AFF2: variants seen among roughly 807,000 people sequenced by gnomAD.
AFF2 encodes the protein ALF transcription elongation factor 2.
Under a neutral mutation model 76.9 loss-of-function variants are expected in AFF2, and 14 were observed. That is an observed-to-expected ratio of 0.18 (90% CI 0.12 to 0.28). The LOEUF (loss-of-function observed/expected upper bound fraction) is 0.28. Ranked by LOEUF, AFF2 falls within the 10% of genes least tolerant of loss-of-function variation. AFF2 has a pLI of 1.00. For missense variants in AFF2, 868 were observed against 1,001.1 expected, an observed-to-expected ratio of 0.87 and a Z score of 1.79; for synonymous variants, 398 against 366.7, an observed-to-expected ratio of 1.09 and a Z score of -0.98.
intron 7 of AFF2, among the ~76,000 whole-genome samples, chrX:148,852,389 GTTTT>G (rs33916305): frequency 1.6e-4 from 13 of 78,804 alleles, no homozygotes; most frequent in African/African-American, 5.3e-4. Flanking sequence ...CCAGCAGCTG[GTTTT>G]TTTTTTTTTT....
rs377289387 is a variant in AFF2, at chrX:148,595,974, G to A, written c.48-56025G>A. On this transcript the variant is annotated intron_variant, in intron 1 of 20. Coordinates refer to ENST00000370460, the MANE Select transcript of AFF2 (RefSeq NM_002025.4). ...TGTTGAGAAGAAGGAATAATCTAGGGGTGCAGTGGCAGGGCTGGGAACTGC... is the reference window on the plus strand; with the variant it reads ...TGTTGAGAAGAAGGAATAATCTAGGAGTGCAGTGGCAGGGCTGGGAACTGC... Among the ~76,000 whole-genome samples the A allele has an allele frequency of 3.4e-4, 38 of 111,836 alleles. No homozygotes were observed. In the East Asian group the frequency reaches 0.01, roughly 30 times the overall value.
At chrX:148,920,430 A>G (rs2071579997) in intron 9 of AFF2, among the ~76,000 whole-genome samples, 1 of 112,126 alleles carries the variant, frequency 8.9e-6, no homozygotes, top group Admixed American at 9.5e-5. Flanking sequence ...TGAAATTAAA[A>G]TTCTATAAAG....
At chrX:148,899,949 A>T (rs2071336285) in intron 8 of AFF2, among the ~76,000 whole-genome samples, 1 of 108,391 alleles carries the variant, frequency 9.2e-6, no homozygotes, top group Admixed American at 9.9e-5. Flanking sequence ...ATTTTCTATA[A>T]ATATATATAT....
chrX:148,795,832 AATATATATATAT>A (rs1169188980), intron 3 of AFF2, among the ~76,000 whole-genome samples: 306 of 15,516 alleles, frequency 0.02, 8 homozygotes, highest in African/African-American at 0.058. Context: ...AAAAAAAAAA[AATATATATATAT>A]ATATATATAT....
At chrX:148,743,293 G>C (rs1334426005) in intron 3 of AFF2, among the ~76,000 whole-genome samples, 2 of 111,894 alleles carry the variant, frequency 1.8e-5, no homozygotes, top group Admixed American at 1.9e-4. Flanking sequence ...ATTCCATTCT[G>C]ACTAATGGAA....
At chrX:148,608,999 T>C (rs1438912339) in intron 1 of AFF2, among the ~76,000 whole-genome samples, 1 of 111,553 alleles carries the variant, frequency 9.0e-6, no homozygotes, top group African/African-American at 3.3e-5. Context: ...TACTAGGAAC[T>C]AGGATATTGA....
rs1302109212 is a variant in AFF2 at position 148,811,691 on chromosome X, G to A, written c.1086+1771G>A. On this transcript the variant is annotated intron_variant, in intron 4 of 20. Transcript: ENST00000370460. ...AAAATCTCACTAATTTGTCACAATC[G>A]AAATTACATACTTAAAAGCAACCCA... is the stretch of plus-strand genomic sequence containing the variant. Among the ~76,000 whole-genome samples the A allele has an allele frequency of 5.4e-5, 6 of 111,804 alleles. No individual in the cohort carries two copies. In the East Asian group the frequency reaches 8.4e-4, roughly 16 times the overall value.
At chrX:148,620,157 A>AGAG (rs1471792718) in intron 1 of AFF2, among the ~76,000 whole-genome samples, 4 of 110,837 alleles carry the variant, frequency 3.6e-5, no homozygotes, top group Non-Finnish European at 7.6e-5. Flanking sequence ...TTCTTAGGGA[A>AGAG]GAGTGTCTTG....
chrX:148,589,119 G>C (rs2053497176), intron 1 of AFF2, among the ~76,000 whole-genome samples: 1 of 110,853 alleles, frequency 9.0e-6, no homozygotes, highest in Non-Finnish European at 1.9e-5. Flanking sequence ...TAAGGAGGGA[G>C]GGGGGCAGAG....
chrX:148,737,319 A>G (rs1362051305), intron 3 of AFF2, among the ~76,000 whole-genome samples: 1 of 111,221 alleles, frequency 9.0e-6, no homozygotes, highest in African/African-American at 3.3e-5. Context: ...TTTTCCTTGT[A>G]GATGTTTTTT....
At chrX:148,669,240 T>C (rs1182649372) in intron 3 of AFF2, among the ~76,000 whole-genome samples, 1 of 111,976 alleles carries the variant, frequency 8.9e-6, no homozygotes, top group Non-Finnish European at 1.9e-5. Flanking sequence ...TCAAAGACAG[T>C]CAACAAGTCT....
intron 3 of AFF2, among the ~76,000 whole-genome samples, chrX:148,699,350 C>T (rs1024629644): frequency 1.8e-5 from 2 of 112,356 alleles, no homozygotes; most frequent in Non-Finnish European, 3.8e-5. Flanking sequence ...CTGTTTATGA[C>T]GCCCCTGCCA....
At chrX:148,616,637 A>G (rs1175497866) in intron 1 of AFF2, among the ~76,000 whole-genome samples, 2 of 110,281 alleles carry the variant, frequency 1.8e-5, no homozygotes, top group African/African-American at 3.3e-5. Flanking sequence ...GGTTTGTTAC[A>G]TATGTGTACA....
chrX:148,675,140 T>C (rs2054468899), intron 3 of AFF2, among the ~76,000 whole-genome samples: 1 of 111,242 alleles, frequency 9.0e-6, no homozygotes, highest in Admixed American at 9.5e-5. Flanking sequence ...CTTTCTGAAA[T>C]TTTTGCCCAG....
intron 2 of AFF2, among the ~76,000 whole-genome samples, chrX:148,656,221 G>T (rs2054250068): frequency 8.9e-6 from 1 of 111,773 alleles, no homozygotes; most frequent in Non-Finnish European, 1.9e-5. Context: ...TGCTTTTGTA[G>T]CATATGATTT....
intron 3 of AFF2, among the ~76,000 whole-genome samples, chrX:148,685,430 T>C (rs2054591489): frequency 8.9e-6 from 1 of 112,621 alleles, no homozygotes; most frequent in South Asian, 3.6e-4. Context: ...ATTGAAAGCA[T>C]CTGCTTAGAG....
chrX:148,706,121 T>G (rs2054881764), intron 3 of AFF2, among the ~76,000 whole-genome samples: 1 of 112,127 alleles, frequency 8.9e-6, no homozygotes, highest in Admixed American at 9.5e-5. Context: ...ATCACTCCCT[T>G]CACTTCAGTG....
At chrX:148,519,056 G>C (rs959715079) in intron 1 of AFF2, among the ~76,000 whole-genome samples, 1 of 111,247 alleles carries the variant, frequency 9.0e-6, no homozygotes, top group Non-Finnish European at 1.9e-5. Context: ...TCTCATTTGT[G>C]AGCTCAACAA....
intron 3 of AFF2, among the ~76,000 whole-genome samples, chrX:148,730,310 A>T (rs185639466): frequency 3.3e-3 from 368 of 112,221 alleles, no homozygotes; most frequent in Non-Finnish European, 5.6e-3. Context: ...AACACCAAAG[A>T]TTTCCTAGAT....
Sources: gnomAD v4.1 joint callset for allele counts (sites outside exome capture counted in the v4.1 genomes callset) on GRCh38, gnomAD v4.1.1 for gene constraint, MANE v1.5 for transcripts, NCBI Gene and HGNC (gene_info 2026-07-23, HGNC 2026-07-21) for gene names.